The following ZNF76 variants were observed in gnomAD, a reference collection of about 807,000 sequenced individuals.
ZNF76 encodes zinc finger protein 76.
A neutral mutation model predicts 66.9 loss-of-function variants in ZNF76; 66 were observed. That is an observed-to-expected ratio of 0.99 (90% CI 0.81 to 1.21). ZNF76 has a LOEUF of 1.21. Among genes scored for constraint, ZNF76 ranks in the 50% most tolerant of loss-of-function variants. The probability of loss-of-function intolerance (pLI) is 0.00; values close to 1 mark genes in which losing one functional copy is unlikely to be tolerated. For synonymous variants in ZNF76, 275 were observed against 296.1 expected (o/e 0.93, Z 0.73); for missense variants, 729 against 760.3 (o/e 0.96, Z 0.48).
In ZNF76 at chr6:35,292,518, C is replaced by T. The variant is rs1385616587; in HGVS notation, c.932-36C>T. The stretch of plus-strand genomic sequence containing the variant: ...CCCCTTAGTTTCCCCCTTGCCAGCC[C>T]CAGTTCCCACCCCCCTCACAGCCCA... On this transcript the variant is annotated intron_variant, in intron 9 of 13. Transcript: ENST00000373953. This position sits in a 1 kb window ranked among gnomAD's most constrained non-coding sequence, Gnocchi z 4.7. 1 of 1,611,046 alleles carries T rather than the reference C, an allele frequency of 6.2e-7. No homozygotes were observed. The highest frequency in any genetic ancestry group is 1.7e-5 in the Admixed American group (1 of 59,992).
chr6:35,263,896 G>A (rs1006966667), intron 1 of ZNF76, among the ~76,000 whole-genome samples: 4 of 151,984 alleles, frequency 2.6e-5, no homozygotes, highest in Admixed American at 6.6e-5. Context: ...TGTTACAGGC[G>A]CCTGCAACCA....
At chr6:35,269,253 C>A (rs1786622792) in intron 1 of ZNF76, among the ~76,000 whole-genome samples, 2 of 141,590 alleles carry the variant, frequency 1.4e-5, no homozygotes, top group Non-Finnish European at 3.0e-5. Context: ...TGCACTCCAG[C>A]CTGGGCGACA....
At chr6:35,288,991 G>A (rs1276627592) in intron 5 of ZNF76, among the ~76,000 whole-genome samples, 3 of 151,262 alleles carry the variant, frequency 2.0e-5, no homozygotes, top group South Asian at 4.2e-4. Context: ...CTTTACAGTA[G>A]GCTACATTCA....
chr6:35,267,647 C>T lies in ZNF76; in HGVS notation c.-97+7806C>T, dbSNP rs543084553. ...CATGAGGATACGATGATGGAGAAGA[C>T]GAATCTGTGCCCTCAGGGAGCACCG... On this transcript the variant is annotated intron_variant, in intron 1 of 13. Transcript: ENST00000373953. Among the ~76,000 whole-genome samples the T allele has an allele frequency of 7.9e-5, 12 of 152,296 alleles. 1 individual carries two copies. In the South Asian group the frequency reaches 2.5e-3, roughly 32 times the overall value.
intron 1 of ZNF76, among the ~76,000 whole-genome samples, chr6:35,272,822 T>C (rs1004674487): frequency 5.3e-5 from 8 of 152,000 alleles, no homozygotes; most frequent in Non-Finnish European, 7.4e-5. Context: ...GTAGAGACGG[T>C]GTCTGCACCT....
Position 35,295,286 on chromosome 6 carries a change from G to C in ZNF76, c.*38G>C, listed in dbSNP as rs1277627745. The C allele has an allele frequency of 6.5e-7, 1 of 1,530,518 alleles. No individual in the cohort carries two copies. Among genetic ancestry groups the C allele is most frequent in the African/African-American group, 1.4e-5 (1 of 72,950 alleles). The allele number at this position is 1,530,518 out of a possible 1,614,324, so 94.8% of individuals were successfully genotyped here. A position where few individuals can be genotyped will look rare whatever the true frequency, so the allele number is the denominator to read the frequency against. ...TGGGTCCCACACCATGCTGGAGGAA[G>C]TGCCATCTGCATGGCCACTCTTGCC... On this transcript the variant is annotated 3_prime_UTR_variant, in exon 14 of 14. Coordinates refer to ENST00000373953, the MANE Select transcript of ZNF76 (RefSeq NM_003427.5).
chr6:35,280,172 C>T (rs1788549912), intron 1 of ZNF76, among the ~76,000 whole-genome samples: 1 of 152,128 alleles, frequency 6.6e-6, no homozygotes, highest in East Asian at 1.9e-4. Flanking sequence ...CAGGCCTCTA[C>T]AGGCTCCAAG....
In ZNF76 at chr6:35,295,536, A is replaced by G. The variant is rs1446106328; in HGVS notation, c.*288A>G. On this transcript the variant is annotated 3_prime_UTR_variant, in exon 14 of 14. Transcript: ENST00000373953. Reference sequence around the variant, plus strand: ...TCAGCTGGGCGCCCACTCTCCTCCTAAAGAACACCCTTCTGGCCCTCAGTC... The same window carrying G: ...TCAGCTGGGCGCCCACTCTCCTCCTGAAGAACACCCTTCTGGCCCTCAGTC... The G allele has an allele frequency of 2.3e-6, 1 of 429,408 alleles. No homozygotes were observed. The highest frequency in any genetic ancestry group is 4.4e-6 in the Non-Finnish European group (1 of 227,304). 26.6% of individuals were successfully genotyped at this position (429,408 alleles called of 1,614,324 possible). A position where few individuals can be genotyped will look rare whatever the true frequency, so the allele number is the denominator to read the frequency against.
At chr6:35,279,958 T>G (rs1788511051) in intron 1 of ZNF76, 1 of 152,010 alleles carries the variant, frequency 6.6e-6, no homozygotes, top group South Asian at 2.1e-4. Flanking sequence ...CAGCCTCTTG[T>G]GTAGCTAGGA....
intron 2 of ZNF76, among the ~76,000 whole-genome samples, chr6:35,285,154 GAAGAGTAATATCTTAGGA>G (rs1456512886): frequency 1.3e-5 from 2 of 152,208 alleles, no homozygotes; most frequent in Non-Finnish European, 2.9e-5. Flanking sequence ...TAAGGTAAAG[GAAGAGTAATATCTTAGGA>G]AATCTGGAGG....
intron 9 of ZNF76, 74 bp downstream of exon 9, chr6:35,291,811 C>A: frequency 6.5e-7 from 1 of 1,544,136 alleles, no homozygotes; most frequent in Non-Finnish European, 8.8e-7. Flanking sequence ...CCATCTAAGA[C>A]ACATTCCCAA....
At position 35,295,680 on chromosome 6, in the gene ZNF76, A is replaced by G. The variant is rs773737250; in HGVS notation, c.*432A>G. 4.8e-6 allele frequency: 1 copy of G among 210,124 alleles called. No individual in the cohort carries two copies. The highest frequency in any genetic ancestry group is 1.0e-5 in the Non-Finnish European group (1 of 98,916). 13.0% of individuals were successfully genotyped at this position (210,124 alleles called of 1,614,324 possible). A position where few individuals can be genotyped will look rare whatever the true frequency, so the allele number is the denominator to read the frequency against. On this transcript the variant is annotated 3_prime_UTR_variant, in exon 14 of 14. Coordinates refer to ENST00000373953, the MANE Select transcript of ZNF76 (RefSeq NM_003427.5). The stretch of plus-strand genomic sequence containing the variant: ...CAGGCCCTGTCCTGCCCTCCCAGCA[A>G]TAACCACCTCCCTGGAGGCCAGCTG...
At chr6:35,265,898 A>G (rs938166625) in intron 1 of ZNF76, among the ~76,000 whole-genome samples, 1 of 152,178 alleles carries the variant, frequency 6.6e-6, no homozygotes, top group Non-Finnish European at 1.5e-5. Flanking sequence ...CAGATAAATA[A>G]CATGGCCTGA....
chr6:35,292,156 G>A lies in ZNF76; in HGVS notation c.932-398G>A. On this transcript the variant is annotated intron_variant, in intron 9 of 13. Coordinates refer to ENST00000373953, the MANE Select transcript of ZNF76 (RefSeq NM_003427.5). The surrounding 1 kb of genome is among the most constrained non-coding windows in gnomAD (Gnocchi z 4.7). The stretch of plus-strand genomic sequence containing the variant: ...TCCCCAGTGTTATGCCCCTCATCCA[G>A]CTTTCTGTGTTGTGTCTCAGCATGT... 2.5e-6 allele frequency: 1 copy of A among 399,390 alleles called. No individual in the cohort carries two copies. The highest frequency in any genetic ancestry group is 4.7e-6 in the Non-Finnish European group (1 of 211,986). The allele number at this position is 399,390 out of a possible 1,614,324, so 24.7% of individuals were successfully genotyped here.
At chr6:35,282,886 A>G (rs1294503460) in intron 2 of ZNF76, among the ~76,000 whole-genome samples, 1 of 152,150 alleles carries the variant, frequency 6.6e-6, no homozygotes, top group Non-Finnish European at 1.5e-5. Context: ...GCTGTCTGTG[A>G]CATGTGGGTT....
At position 35,294,362 on chromosome 6, in the gene ZNF76, G is replaced by A. The variant is rs1022815060; in HGVS notation, c.1495-94G>A. ...GGTTTTATCCATTCTCTTCTGGGTT[G>A]TTCCCAGCACCTTAATTGGAGGGAT... On this transcript the variant is annotated intron_variant, in intron 12 of 13. Transcript: ENST00000373953. The A allele has an allele frequency of 3.5e-6, 3 of 861,478 alleles. No individual in the cohort carries two copies. The African/African-American group carries it at 4.9e-5, about 14-fold the overall frequency. The allele number at this position is 861,478 out of a possible 1,614,324, so 53.4% of individuals were successfully genotyped here.
chr6:35,267,537 G>T (rs1400472383), intron 1 of ZNF76, among the ~76,000 whole-genome samples: 1 of 152,222 alleles, frequency 6.6e-6, no homozygotes, highest in East Asian at 1.9e-4. Flanking sequence ...TCTACACCAG[G>T]TAGTGGTATT....
intron 1 of ZNF76, among the ~76,000 whole-genome samples, chr6:35,271,837 C>T (rs1787112095): frequency 6.6e-6 from 1 of 152,144 alleles, no homozygotes; most frequent in Non-Finnish European, 1.5e-5. Context: ...GCCTATAATT[C>T]TAGCACTTTG....
Position 35,292,367 on chromosome 6 carries a change from C to A in ZNF76, c.932-187C>A. 1 of 641,106 alleles carries A rather than the reference C, an allele frequency of 1.6e-6. No individual in the cohort carries two copies. The highest frequency in any genetic ancestry group is 2.8e-6 in the Non-Finnish European group (1 of 355,760). The allele number at this position is 641,106 out of a possible 1,614,324, so 39.7% of individuals were successfully genotyped here. A position where few individuals can be genotyped will look rare whatever the true frequency, so the allele number is the denominator to read the frequency against. ...CGCCTTGTCTCTGGATTCAGTGGTTCAACACCTGTGTCCTCTCTGTGTTCC... is the reference window on the plus strand; with the variant it reads ...CGCCTTGTCTCTGGATTCAGTGGTTAAACACCTGTGTCCTCTCTGTGTTCC... On this transcript the variant is annotated intron_variant, in intron 9 of 13. Coordinates refer to ENST00000373953, the MANE Select transcript of ZNF76 (RefSeq NM_003427.5). The surrounding 1 kb of genome is among the most constrained non-coding windows in gnomAD (Gnocchi z 4.7).
Sources: allele counts gnomAD v4.1 joint callset (sites outside exome capture counted in the v4.1 genomes callset), GRCh38; gene constraint gnomAD v4.1.1; non-coding constraint Gnocchi (gnomAD v3.1); transcripts MANE v1.5; gene names NCBI Gene and HGNC (gene_info 2026-07-23, HGNC 2026-07-21).